Variants in CTNND2 observed in about 807,000 individuals in gnomAD.
CTNND2 encodes catenin delta-2.
Under a neutral mutation model 144.4 loss-of-function variants are expected in CTNND2, and 22 were observed. The ratio of observed to expected loss-of-function variants is 0.15; its 90% CI spans 0.11 to 0.22. The LOEUF (loss-of-function observed/expected upper bound fraction) is 0.22, where lower values mean the gene tolerates loss of function less well. Ranked by LOEUF, CTNND2 falls within the 10% of genes least tolerant of loss-of-function variation. The pLI is 1.00. For missense variants in CTNND2, 1,353 were observed against 1,618.8 expected (o/e 0.84, Z 2.82); for synonymous variants, 751 against 695.6 (o/e 1.08, Z -1.25).
chr5:11,200,878 A>G (rs1254109739), intron 10 of CTNND2, among the ~76,000 whole-genome samples: 2 of 151,872 alleles, frequency 1.3e-5, no homozygotes, highest in Non-Finnish European at 2.9e-5. Context: ...ACAGGGTTTC[A>G]CCGTATTAAC....
intron 2 of CTNND2, among the ~76,000 whole-genome samples, chr5:11,632,251 A>T (rs1781448843): frequency 6.6e-6 from 1 of 152,314 alleles, no homozygotes; most frequent in African/African-American, 2.4e-5. Flanking sequence ...CAACAGACGT[A>T]TACCAGCAGG....
At chr5:11,152,532 A>G (rs1580432118) in intron 12 of CTNND2, among the ~76,000 whole-genome samples, 2 of 152,158 alleles carry the variant, frequency 1.3e-5, no homozygotes, top group East Asian at 3.9e-4. Context: ...CTCAAGATGC[A>G]TTTCTCAGAA....
intron 10 of CTNND2, among the ~76,000 whole-genome samples, chr5:11,199,924 T>G (rs546812061): frequency 1.3e-5 from 2 of 152,214 alleles, no homozygotes; most frequent in Non-Finnish European, 2.9e-5. Context: ...TCATATTGAG[T>G]GCCTTAGACA....
chr5:11,103,554 C>T (rs1228766093), intron 14 of CTNND2, among the ~76,000 whole-genome samples: 1 of 151,874 alleles, frequency 6.6e-6, no homozygotes, highest in African/African-American at 2.4e-5. Context: ...CCTGTAATTC[C>T]AGCTACTCAG....
intron 3 of CTNND2, among the ~76,000 whole-genome samples, chr5:11,534,236 C>T (rs1030971610): frequency 6.6e-6 from 1 of 152,172 alleles, no homozygotes; most frequent in Non-Finnish European, 1.5e-5. Flanking sequence ...CCCACAGTTA[C>T]ATCAGCTTGT....
chr5:11,863,961 T>C (rs1400911343), intron 1 of CTNND2, among the ~76,000 whole-genome samples: 1 of 152,182 alleles, frequency 6.6e-6, no homozygotes, highest in African/African-American at 2.4e-5. Context: ...TTAGGGTACA[T>C]CTAAAGCAGA....
chr5:11,588,086 TTAG>T (rs1778991698), intron 2 of CTNND2, among the ~76,000 whole-genome samples: 1 of 152,132 alleles, frequency 6.6e-6, no homozygotes, highest in Non-Finnish European at 1.5e-5. Context: ...CCTGCACCAT[TTAG>T]AGTGTTCAAA....
At chr5:11,757,450 TGTGA>T (rs1450085918) in intron 1 of CTNND2, among the ~76,000 whole-genome samples, 3 of 151,874 alleles carry the variant, frequency 2.0e-5, no homozygotes, top group Non-Finnish European at 4.4e-5. Flanking sequence ...TGTGTGTATG[TGTGA>T]GTATTATTTT....
intron 3 of CTNND2, among the ~76,000 whole-genome samples, chr5:11,495,156 G>C (rs1291356651): frequency 6.6e-6 from 1 of 152,194 alleles, no homozygotes; most frequent in African/African-American, 2.4e-5. Flanking sequence ...TACACTAAGA[G>C]TGTGCTTCAT....
intron 11 of CTNND2, among the ~76,000 whole-genome samples, chr5:11,187,501 C>T (rs1735753790): frequency 6.6e-6 from 1 of 151,986 alleles, no homozygotes; most frequent in African/African-American, 2.4e-5. Context: ...TATAAAAAAC[C>T]CTAGAAGAAA....
chr5:11,206,723 T>G (rs1738087863), intron 10 of CTNND2, among the ~76,000 whole-genome samples: 1 of 152,222 alleles, frequency 6.6e-6, no homozygotes, highest in South Asian at 2.1e-4. Context: ...AAAGTGTTGA[T>G]GAACCCAGAC....
chr5:11,625,413 C>CTCTT (rs1561632965), intron 2 of CTNND2, among the ~76,000 whole-genome samples: 1 of 151,800 alleles, frequency 6.6e-6, no homozygotes, highest in Non-Finnish European at 1.5e-5. Flanking sequence ...CTCTCTCTCT[C>CTCTT]TCTCTCTCTC....
At chr5:11,250,514 C>T (rs2400031) in intron 9 of CTNND2, among the ~76,000 whole-genome samples, 3,568 of 46,356 alleles carry the variant, frequency 0.077, 159 homozygotes, top group African/African-American at 0.17. Flanking sequence ...TATATATATA[C>T]ATATATTTTT....
In CTNND2 at chr5:11,346,398, G is replaced by T. The variant is rs769503571; in HGVS notation, c.1602C>A (p.Ser534=). 2.0e-6 allele frequency: 3 copies of T among 1,494,996 alleles called. No individual in the cohort carries two copies. The East Asian group carries it at 7.6e-5, about 38-fold the overall frequency. The allele number at this position is 1,494,996 out of a possible 1,614,324, so 92.6% of individuals were successfully genotyped here. ...TGGGATCTTTCTGAATGCTATCAAT[G>T]GACGGGGACCTGGCCAAGGTGCCTT... The part of the protein sequence containing the change: ...PPEGTLARSP[S]IDSIQKDPRE... Residue 534 remains serine (S), a synonymous_variant, in exon 9 of 22, where the codon TCC becomes TCA. Coordinates refer to ENST00000304623, the MANE Select transcript of CTNND2 (RefSeq NM_001332.4).
intron 9 of CTNND2, among the ~76,000 whole-genome samples, chr5:11,270,656 G>A (rs982050304): frequency 1.2e-4 from 19 of 152,220 alleles, no homozygotes; most frequent in African/African-American, 4.1e-4. Context: ...GCATTAGAAA[G>A]GATCAAGCTC....
intron 7 of CTNND2, among the ~76,000 whole-genome samples, chr5:11,372,815 G>A (rs1018558688): frequency 6.6e-6 from 1 of 152,212 alleles, no homozygotes; most frequent in Non-Finnish European, 1.5e-5. Context: ...TGCTGGCGCT[G>A]CTGGTCCACG....
At position 11,847,128 on chromosome 5, in the gene CTNND2, T is replaced by TTATATATATA. The variant is rs56978156; in HGVS notation, c.37+56679_37+56688dup. 8.6e-4 allele frequency among the ~76,000 whole-genome samples: 62 copies of TTATATATATA among 72,370 alleles called. 2 individuals are homozygous for TTATATATATA. Among genetic ancestry groups the TTATATATATA allele is most frequent in the Non-Finnish European group, 1.2e-3 (52 of 42,336 alleles). The allele number at this position is 72,370 out of a possible 152,430, so 47.5% of individuals were successfully genotyped here. On this transcript the variant is annotated intron_variant, in intron 1 of 21. Transcript: ENST00000304623. ...AAATAAAATCAGTATGTCAAAGATT[T>TTATATATATA]TATATATATATATATATATATATAT...
At chr5:11,726,921 A>G (rs1787054889) in intron 2 of CTNND2, among the ~76,000 whole-genome samples, 1 of 152,206 alleles carries the variant, frequency 6.6e-6, no homozygotes, top group Admixed American at 6.5e-5. Context: ...TAAGGAAAAT[A>G]TTAAGTTTCA....
intron 2 of CTNND2, among the ~76,000 whole-genome samples, chr5:11,667,535 CAT>C (rs2126589307): frequency 6.6e-6 from 1 of 152,252 alleles, no homozygotes; most frequent in South Asian, 2.1e-4. Flanking sequence ...AGCATTTTTT[CAT>C]ATGTCTGTTG....
Sources: allele counts gnomAD v4.1 joint callset (sites outside exome capture counted in the v4.1 genomes callset), GRCh38; gene constraint gnomAD v4.1.1; transcripts MANE v1.5; gene names NCBI Gene and HGNC (gene_info 2026-07-23, HGNC 2026-07-21).